KHDRBS2: variants seen among roughly 807,000 people sequenced by gnomAD.
The protein encoded by KHDRBS2 is KH domain-containing, RNA-binding, signal transduction-associated protein 2.
KHDRBS2 carries 26 observed loss-of-function variants against 44.3 expected under a neutral mutation model. The observed-to-expected ratio is 0.59, with a 90% CI of 0.43 to 0.81. The LOEUF (loss-of-function observed/expected upper bound fraction) is 0.81. Ranked by LOEUF, KHDRBS2 falls within the 40% of genes least tolerant of loss-of-function variation. The pLI is 0.00. For synonymous variants in KHDRBS2, 194 were observed against 151.1 expected, an observed-to-expected ratio of 1.28 and a Z score of -2.08; for missense variants, 476 against 433.1, an observed-to-expected ratio of 1.10 and a Z score of -0.88.
chr6:61,660,753 GC>G, the KHDRBS2 span, among the ~76,000 whole-genome samples: 115 of 151,642 alleles, frequency 7.6e-4, no homozygotes, highest in East Asian at 0.021. Context: ...CTATATCTTG[GC>G]CTTCTCCAGT....
chr6:62,156,593 G>A (rs889526789), intron 2 of KHDRBS2, among the ~76,000 whole-genome samples: 7 of 152,118 alleles, frequency 4.6e-5, no homozygotes, highest in Non-Finnish European at 7.4e-5. Context: ...TAGATTTTTT[G>A]TTGTTACCAT....
At chr6:61,955,667 T>C (rs1037849783) in intron 4 of KHDRBS2, among the ~76,000 whole-genome samples, 2 of 148,944 alleles carry the variant, frequency 1.3e-5, no homozygotes, top group African/African-American at 2.5e-5. Context: ...TATATGTGTA[T>C]ATGTACACAT....
At chr6:62,060,934 A>G (rs1791673018) in intron 2 of KHDRBS2, among the ~76,000 whole-genome samples, 1 of 151,852 alleles carries the variant, frequency 6.6e-6, no homozygotes, top group African/African-American at 2.4e-5. Context: ...ACTTTACAGA[A>G]TGATCCATGT....
At chr6:61,894,343 C>T (rs1367743767) in intron 6 of KHDRBS2, among the ~76,000 whole-genome samples, 1 of 152,020 alleles carries the variant, frequency 6.6e-6, no homozygotes, top group Non-Finnish European at 1.5e-5. Context: ...GGCAATTCAC[C>T]TTTTGTTTAT....
chr6:62,203,968 GC>G (rs1163433302), intron 1 of KHDRBS2, among the ~76,000 whole-genome samples: 3 of 152,056 alleles, frequency 2.0e-5, no homozygotes, highest in Non-Finnish European at 4.4e-5. Flanking sequence ...TCACATGAGA[GC>G]TGGTTGTTAA....
At chr6:61,801,012 A>C (rs1372864466) in intron 6 of KHDRBS2, among the ~76,000 whole-genome samples, 1 of 152,146 alleles carries the variant, frequency 6.6e-6, no homozygotes, top group East Asian at 1.9e-4. Flanking sequence ...TAGGCCAAAT[A>C]CATGCCTGCA....
intron 6 of KHDRBS2, among the ~76,000 whole-genome samples, chr6:61,793,693 T>C (rs1161001823): frequency 1.3e-5 from 2 of 152,084 alleles, no homozygotes; most frequent in Non-Finnish European, 2.9e-5. Context: ...ATTTCATAAT[T>C]TAAAAAAGTT....
chr6:62,242,717 A>G lies in KHDRBS2; in HGVS notation c.91+43141T>C, dbSNP rs553710128. On this transcript the variant is annotated intron_variant, in intron 1 of 8. Coordinates refer to ENST00000281156, the MANE Select transcript of KHDRBS2 (RefSeq NM_152688.4). ...TTCAGTAGCACTGAGGAAAAAAGAA[A>G]AATATATTTCCCTTAAAAATTACAT... Among the ~76,000 whole-genome samples the G allele has an allele frequency of 2.0e-5, 3 of 152,304 alleles. No homozygotes were observed. The South Asian group carries it at 6.2e-4, about 32-fold the overall frequency.
chr6:61,887,994 C>T (rs539470974), intron 6 of KHDRBS2, among the ~76,000 whole-genome samples: 30 of 152,218 alleles, frequency 2.0e-4, no homozygotes, highest in African/African-American at 7.0e-4. Flanking sequence ...AAATATAATA[C>T]AAGACAGGTT....
chr6:62,208,482 T>C (rs994922809), intron 1 of KHDRBS2, among the ~76,000 whole-genome samples: 2 of 152,188 alleles, frequency 1.3e-5, no homozygotes, highest in Non-Finnish European at 1.5e-5. Context: ...ATTTGTGCAC[T>C]GATGGACACT....
the KHDRBS2 span, among the ~76,000 whole-genome samples, chr6:61,580,230 AGC>A: frequency 6.6e-6 from 1 of 152,312 alleles, no homozygotes; most frequent in African/African-American, 2.4e-5. Flanking sequence ...TAAGAGGTGA[AGC>A]CAGCTGGGCT....
At chr6:62,192,993 A>G (rs1432436241) in intron 1 of KHDRBS2, among the ~76,000 whole-genome samples, 1 of 152,220 alleles carries the variant, frequency 6.6e-6, no homozygotes, top group East Asian at 1.9e-4. Context: ...CATTTCTAGT[A>G]TTTACGAATG....
the KHDRBS2 span, among the ~76,000 whole-genome samples, chr6:61,601,954 G>A: frequency 2.3e-3 from 349 of 152,008 alleles, 1 homozygote; most frequent in African/African-American, 7.9e-3. Flanking sequence ...TTCTTTATCC[G>A]ACCTCTCCCA....
the KHDRBS2 span, among the ~76,000 whole-genome samples, chr6:61,662,889 C>T: frequency 1.3e-5 from 2 of 151,906 alleles, no homozygotes; most frequent in African/African-American, 2.4e-5. Flanking sequence ...ACCCAGCCAT[C>T]CCATTACTGG....
chr6:61,677,698 C>A (rs1368521672), downstream of KHDRBS2, among the ~76,000 whole-genome samples: 1 of 151,904 alleles, frequency 6.6e-6, no homozygotes, highest in Non-Finnish European at 1.5e-5. Flanking sequence ...CAACTGGGAA[C>A]TGACTTGAAC....
chr6:62,045,411 T>C (rs1380357548), intron 3 of KHDRBS2, among the ~76,000 whole-genome samples: 2 of 152,058 alleles, frequency 1.3e-5, no homozygotes, highest in Admixed American at 6.6e-5. Context: ...TCTTCCAGTG[T>C]TCTTTCTACT....
chr6:62,268,959 A>C (rs1022195299), intron 1 of KHDRBS2, among the ~76,000 whole-genome samples: 1 of 152,080 alleles, frequency 6.6e-6, no homozygotes, highest in Non-Finnish European at 1.5e-5. Context: ...ACAAACCTTC[A>C]TTGTATTTAC....
chr6:62,120,516 C>A (rs1807361351), intron 2 of KHDRBS2, among the ~76,000 whole-genome samples: 2 of 152,092 alleles, frequency 1.3e-5, no homozygotes, highest in South Asian at 4.1e-4. Context: ...CAAGTGGCAG[C>A]ACTCAACTGT....
intron 2 of KHDRBS2, among the ~76,000 whole-genome samples, chr6:62,140,486 C>T (rs1812576430): frequency 6.6e-6 from 1 of 152,088 alleles, no homozygotes; most frequent in Admixed American, 6.5e-5. Flanking sequence ...TGAGGGTTAT[C>T]AAAATGAACC....
Sources: gnomAD v4.1 joint callset for allele counts (sites outside exome capture counted in the v4.1 genomes callset) on GRCh38, gnomAD v4.1.1 for gene constraint, MANE v1.5 for transcripts, NCBI Gene and HGNC (gene_info 2026-07-23, HGNC 2026-07-21) for gene names.